The following DPF2 variants were observed in gnomAD, a reference collection of about 807,000 sequenced individuals.
DPF2 encodes the protein double PHD fingers 2.
DPF2 carries 10 observed loss-of-function variants against 59.6 expected under a neutral mutation model. The ratio of observed to expected loss-of-function variants is 0.17; its 90% CI spans 0.10 to 0.28. The LOEUF (loss-of-function observed/expected upper bound fraction) is 0.28. DPF2 is among the 10% of genes least tolerant of loss of function. The pLI, the probability that DPF2 is intolerant of heterozygous loss-of-function variation, is 1.00. For missense variants in DPF2, 315 were observed against 509.4 expected (o/e 0.62, Z 3.67); for synonymous variants, 189 against 190.6 (o/e 0.99, Z 0.07).
rs893571116 is a variant in DPF2 at position 65,351,908 on chromosome 11, A to G, written c.*149A>G. Reference sequence around the variant, plus strand: ...TGCCAGCCTGCCTTTGGCAGCTGCAAGCTGAGGTGGCAGCTCTGACCACCT... The same window carrying G: ...TGCCAGCCTGCCTTTGGCAGCTGCAGGCTGAGGTGGCAGCTCTGACCACCT... On this transcript the variant is annotated 3_prime_UTR_variant, in exon 11 of 11. Coordinates refer to ENST00000528416, the MANE Select transcript of DPF2 (RefSeq NM_006268.5). 7 of 861,336 alleles carry G rather than the reference A, an allele frequency of 8.1e-6. No homozygotes were observed. The highest frequency in any genetic ancestry group is 5.3e-5 in the East Asian group (2 of 37,606). The allele number at this position is 861,336 out of a possible 1,614,324, so 53.4% of individuals were successfully genotyped here.
At chr11:65,337,547 A>AGGGG (rs1251201046) in intron 1 of DPF2, among the ~76,000 whole-genome samples, 3 of 131,692 alleles carry the variant, frequency 2.3e-5, no homozygotes, top group African/African-American at 8.6e-5. Context: ...AGAGAGAGAG[A>AGGGG]ACAATGTTAA....
intron 4 of DPF2, 138 bp downstream of exon 4, chr11:65,341,700 T>A (rs1186197352): frequency 3.4e-6 from 4 of 1,193,892 alleles, no homozygotes; most frequent in Non-Finnish European, 4.6e-6. Flanking sequence ...CTTACTTCAG[T>A]CCCTGATTAT....
intron 4 of DPF2, among the ~76,000 whole-genome samples, chr11:65,342,257 C>T (rs1369604574): frequency 6.6e-6 from 1 of 152,094 alleles, no homozygotes; most frequent in Non-Finnish European, 1.5e-5. Context: ...TCAGTCTAGG[C>T]AACATAGCAG....
At position 65,352,359 on chromosome 11, in the gene DPF2, C is replaced by G. The variant is rs1854727621; in HGVS notation, c.*600C>G. On this transcript the variant is annotated 3_prime_UTR_variant, in exon 11 of 11. Coordinates refer to ENST00000528416, the MANE Select transcript of DPF2 (RefSeq NM_006268.5). ...CTGGTTCTGCCCTGTCCCATTCCAC[C>G]CCACCCCAGGGGGAACAGTAGCTTC... is the stretch of plus-strand genomic sequence containing the variant. 6.5e-6 allele frequency: 1 copy of G among 153,336 alleles called. No homozygotes were observed. Among genetic ancestry groups the G allele is most frequent in the Non-Finnish European group, 1.5e-5 (1 of 68,740 alleles). The allele number at this position is 153,336 out of a possible 1,614,324, so 9.5% of individuals were successfully genotyped here. A position where few individuals can be genotyped will look rare whatever the true frequency, so the allele number is the denominator to read the frequency against.
Position 65,351,801 on chromosome 11 carries a change from C to T in DPF2, c.*42C>T. On this transcript the variant is annotated 3_prime_UTR_variant, in exon 11 of 11. Coordinates refer to ENST00000528416, the MANE Select transcript of DPF2 (RefSeq NM_006268.5). ...CTCCCCGACATATCTAAGGCTGTTT[C>T]TCTCCTCCACTTCATATTTCATACC... 8 of 1,575,440 alleles carry T rather than the reference C, an allele frequency of 5.1e-6. No homozygotes were observed. The highest frequency in any genetic ancestry group is 6.1e-6 in the Non-Finnish European group (7 of 1,146,522).
rs1381561532 is a variant in DPF2, at chr11:65,343,778, C to T, written c.499C>T (p.Leu167Phe). 3.1e-6 allele frequency: 5 copies of T among 1,598,378 alleles called. No individual in the cohort carries two copies. Among genetic ancestry groups the T allele is most frequent in the Middle Eastern group, 2.1e-4 (1 of 4,776 alleles). Residue 167 changes from leucine (L) to phenylalanine (F), a missense_variant, in exon 5 of 11, where the codon CTC becomes TTC. Leu to Phe is a conservative substitution (Grantham distance 22). Around this residue, in one of 4 missense-constraint regions of DPF2, gnomAD observed 228 missense variants for 275.3 expected, o/e 0.83. Coordinates refer to ENST00000528416, the MANE Select transcript of DPF2 (RefSeq NM_006268.5). Reference sequence around the variant, plus strand: ...AGAACCAGATGACTTCCTGGATGACCTCGATGATGAAGACTATGAAGAAGA... The same window carrying T: ...AGAACCAGATGACTTCCTGGATGACTTCGATGATGAAGACTATGAAGAAGA... ...ILEPDDFLDDLDDEDYEEDTP... is the reference protein window; with the variant it reads ...ILEPDDFLDDFDDEDYEEDTP...
At chr11:65,349,064 G>T in intron 10 of DPF2, 133 bp downstream of exon 10, 1 of 902,780 alleles carries the variant, frequency 1.1e-6, no homozygotes, top group East Asian at 2.6e-5. Flanking sequence ...CCTTGGCTCA[G>T]TTTAGAATGC....
At chr11:65,336,818 C>T (rs1456622456) in intron 1 of DPF2, among the ~76,000 whole-genome samples, 3 of 147,318 alleles carry the variant, frequency 2.0e-5, no homozygotes, top group Admixed American at 1.4e-4. Context: ...AAGCCGGGCA[C>T]GGTGGCTCAT....
At chr11:65,343,450 T>C (rs995296290) in intron 4 of DPF2, 3 of 408,232 alleles carry the variant, frequency 7.3e-6, no homozygotes, top group African/African-American at 6.0e-5. Context: ...GCATGGCTGC[T>C]TGTGGCATCA....
At chr11:65,334,584 A>G (rs1950071729) in intron 1 of DPF2, among the ~76,000 whole-genome samples, 1 of 152,210 alleles carries the variant, frequency 6.6e-6, no homozygotes, top group South Asian at 2.1e-4. Flanking sequence ...CTTAGCCTAA[A>G]GGGGCATCTA....
intron 1 of DPF2, among the ~76,000 whole-genome samples, chr11:65,337,516 G>T (rs1470260848): frequency 9.6e-4 from 122 of 126,626 alleles, no homozygotes; most frequent in African/African-American, 1.3e-3. Context: ...GAGAGAGAGA[G>T]AGAGAGAGAG....
Position 65,341,579 on chromosome 11 carries a change from G to A in DPF2, c.465+17G>A, listed in dbSNP as rs372648631. Reference sequence around the variant, plus strand: ...GCGCGAAAGGTACAGGATTATCCCTGTGGCTAAGGGAGCTTTGATGGAAAT... The same window carrying A: ...GCGCGAAAGGTACAGGATTATCCCTATGGCTAAGGGAGCTTTGATGGAAAT... On this transcript the variant is annotated intron_variant, in intron 4 of 10. Coordinates refer to ENST00000528416, the MANE Select transcript of DPF2 (RefSeq NM_006268.5). The A allele has an allele frequency of 3.1e-6, 5 of 1,610,014 alleles. No homozygotes were observed. Among genetic ancestry groups the A allele is most frequent in the Non-Finnish European group, 4.2e-6 (5 of 1,176,626 alleles).
chr11:65,340,533 C>A lies in DPF2; in HGVS notation c.181C>A (p.His61Asn). Reference sequence around the variant, plus strand: ...TTGTTACATCTGGATGGAAAAGCGACACCGGGGTCCAGGTGAGGGTCCAGA... The same window carrying A: ...TTGTTACATCTGGATGGAAAAGCGAAACCGGGGTCCAGGTGAGGGTCCAGA... ...SNCYIWMEKR[H>N]RGPGLASGQL... Residue 61 changes from histidine (H) to asparagine (N), a missense_variant, in exon 2 of 11, where the codon CAC becomes AAC. Coordinates refer to ENST00000528416, the MANE Select transcript of DPF2 (RefSeq NM_006268.5). 1 of 1,614,210 alleles carries A rather than the reference C, an allele frequency of 6.2e-7. No homozygotes were observed. Among genetic ancestry groups the A allele is most frequent in the Non-Finnish European group, 8.5e-7 (1 of 1,180,032 alleles).
chr11:65,342,327 G>A (rs1854398008), intron 4 of DPF2, among the ~76,000 whole-genome samples: 2 of 152,080 alleles, frequency 1.3e-5, no homozygotes, highest in Admixed American at 6.5e-5. Flanking sequence ...GCACACGCCT[G>A]CAGTCCCAGC....
chr11:65,337,474 A>AAAAAT (rs1555029114), intron 1 of DPF2, among the ~76,000 whole-genome samples: 2 of 46,480 alleles, frequency 4.3e-5, no homozygotes, highest in African/African-American at 9.8e-5. Context: ...AAAAAAAAAA[A>AAAAAT]ATATATATAT....
intron 4 of DPF2, among the ~76,000 whole-genome samples, chr11:65,343,219 A>C (rs1854429549): frequency 1.3e-5 from 2 of 151,120 alleles, no homozygotes; most frequent in Admixed American, 1.3e-4. Context: ...GGATCGCTTG[A>C]ACCCAGGAGA....
chr11:65,353,076 T>C lies in DPF2; in HGVS notation c.*1317T>C, dbSNP rs553825718. ...ATGGTGGTTTTTTTTTTTAATGTTTTGAAATACAGCTTTTTTCCCCCCAAA... is the reference window on the plus strand; with the variant it reads ...ATGGTGGTTTTTTTTTTTAATGTTTCGAAATACAGCTTTTTTCCCCCCAAA... On this transcript the variant is annotated 3_prime_UTR_variant, in exon 11 of 11. Coordinates refer to ENST00000528416, the MANE Select transcript of DPF2 (RefSeq NM_006268.5). 6.6e-6 allele frequency: 1 copy of C among 152,204 alleles called. No homozygotes were observed. The highest frequency in any genetic ancestry group is 6.5e-5 in the Admixed American group (1 of 15,280). 9.4% of individuals were successfully genotyped at this position (152,204 alleles called of 1,614,324 possible).
chr11:65,345,258 A>G (rs1286506206), intron 6 of DPF2: 2 of 185,776 alleles, frequency 1.1e-5, no homozygotes, highest in African/African-American at 4.7e-5. Flanking sequence ...ACTGAGGGGT[A>G]AAAAAGTTTG....
At chr11:65,350,963 A>G (rs1317674501) in intron 10 of DPF2, among the ~76,000 whole-genome samples, 1 of 151,598 alleles carries the variant, frequency 6.6e-6, no homozygotes, top group South Asian at 2.1e-4. Context: ...TGAGCAACAG[A>G]GCGGAAACTC....
Sources: gnomAD v4.1 joint callset for allele counts (sites outside exome capture counted in the v4.1 genomes callset) on GRCh38, gnomAD v4.1.1 for gene constraint, gnomAD v4.1.1 regional missense constraint, MANE v1.5 for transcripts, NCBI Gene and HGNC (gene_info 2026-07-23, HGNC 2026-07-21) for gene names.